RNGTT: variants seen among roughly 807,000 people sequenced by gnomAD.
The protein encoded by RNGTT is mRNA-capping enzyme.
In RNGTT, 33 loss-of-function variants were observed where a neutral mutation model predicts 79.3. The observed-to-expected ratio is 0.42, with a 90% CI of 0.32 to 0.56. RNGTT has a LOEUF of 0.56. RNGTT is among the 20% of genes least tolerant of loss of function. RNGTT has a pLI of 0.17. For missense variants in RNGTT, 497 were observed against 739.1 expected (o/e 0.67, Z 3.80); for synonymous variants, 222 against 235.9 (o/e 0.94, Z 0.54).
chr6:88,790,852 T>C (rs1162514643), intron 12 of RNGTT, among the ~76,000 whole-genome samples: 1 of 152,190 alleles, frequency 6.6e-6, no homozygotes, highest in Non-Finnish European at 1.5e-5. Flanking sequence ...AAACTTCTCA[T>C]TTAGAACTTG....
intron 14 of RNGTT, among the ~76,000 whole-genome samples, chr6:88,655,331 T>A (rs1773936882): frequency 1.3e-5 from 2 of 151,984 alleles, no homozygotes; most frequent in Non-Finnish European, 2.9e-5. Flanking sequence ...TATGCTACTT[T>A]AAAAAAAATA....
intron 2 of RNGTT, among the ~76,000 whole-genome samples, chr6:88,934,486 A>G (rs965562992): frequency 4.6e-5 from 7 of 151,940 alleles, no homozygotes; most frequent in Admixed American, 1.3e-4. Flanking sequence ...ATGTCTATTC[A>G]CATCTTTGCC....
At chr6:88,751,581 A>G (rs1275425376) in intron 13 of RNGTT, among the ~76,000 whole-genome samples, 2 of 152,068 alleles carry the variant, frequency 1.3e-5, no homozygotes, top group African/African-American at 4.8e-5. Flanking sequence ...AGTGGCTTCC[A>G]TTTATCAATA....
chr6:88,671,949 A>T (rs565375245), intron 14 of RNGTT, among the ~76,000 whole-genome samples: 1 of 152,236 alleles, frequency 6.6e-6, no homozygotes, highest in South Asian at 2.1e-4. Context: ...CTCACCTTAT[A>T]AAAAAATCAA....
intron 13 of RNGTT, among the ~76,000 whole-genome samples, chr6:88,699,367 A>C (rs1486168569): frequency 1.3e-5 from 2 of 152,178 alleles, no homozygotes; most frequent in African/African-American, 4.8e-5. Flanking sequence ...CACAGTAGCC[A>C]AAAGGCAGAA....
chr6:88,849,289 G>A (rs1781588711), intron 10 of RNGTT, among the ~76,000 whole-genome samples: 1 of 151,950 alleles, frequency 6.6e-6, no homozygotes, highest in Non-Finnish European at 1.5e-5. Flanking sequence ...TTAGATGTGT[G>A]CATTAAAAAT....
At chr6:88,676,649 G>T (rs1774886987) in intron 14 of RNGTT, among the ~76,000 whole-genome samples, 1 of 152,018 alleles carries the variant, frequency 6.6e-6, no homozygotes, top group African/African-American at 2.4e-5. Context: ...ACGATAGCTG[G>T]GAGAAAATAA....
chr6:88,724,692 T>G (rs1475419717), intron 13 of RNGTT, among the ~76,000 whole-genome samples: 1 of 152,240 alleles, frequency 6.6e-6, no homozygotes, highest in East Asian at 1.9e-4. Flanking sequence ...GCATGAGTTC[T>G]AAATTTCTTT....
At chr6:88,739,411 C>T (rs1483615348) in intron 13 of RNGTT, among the ~76,000 whole-genome samples, 3 of 151,858 alleles carry the variant, frequency 2.0e-5, no homozygotes, top group Non-Finnish European at 4.4e-5. Flanking sequence ...AACAGCTTTC[C>T]TGTAACACTA....
At chr6:88,836,023 C>CATATATATAAGATTTACATATAT (rs1781064007) in intron 11 of RNGTT, among the ~76,000 whole-genome samples, 1 of 92,094 alleles carries the variant, frequency 1.1e-5, no homozygotes. Flanking sequence ...CACACACACA[C>CATATATATAAGATTTACATATAT]ATATATATAT....
Position 88,621,117 on chromosome 6 carries a change from T to C in RNGTT, c.1507-6722A>G, listed in dbSNP as rs555623393. Among the ~76,000 whole-genome samples, 22 of 152,316 alleles carry C rather than the reference T, an allele frequency of 1.4e-4. No individual in the cohort carries two copies. In the South Asian group the frequency reaches 4.6e-3, roughly 32 times the overall value. On this transcript the variant is annotated intron_variant, in intron 14 of 15. Transcript: ENST00000369485. ...ATGAGGCAACATGAACCAAGCACAT[T>C]TGCTAGCCTCTGGCCTAAGTCCTTT...
chr6:88,641,448 A>G (rs73752986), intron 14 of RNGTT, among the ~76,000 whole-genome samples: 3,539 of 152,280 alleles, frequency 0.023, 155 homozygotes, highest in African/African-American at 0.079. Flanking sequence ...CTGTAGAGAC[A>G]AGCAAAGGAT....
intron 14 of RNGTT, among the ~76,000 whole-genome samples, chr6:88,635,498 T>TA (rs771851334): frequency 1.7e-4 from 26 of 152,158 alleles, no homozygotes; most frequent in Non-Finnish European, 2.8e-4. Context: ...ACAGTCAAAA[T>TA]ATGACAGATT....
chr6:88,637,056 G>C (rs1275386617), intron 14 of RNGTT, among the ~76,000 whole-genome samples: 1 of 152,124 alleles, frequency 6.6e-6, no homozygotes, highest in East Asian at 1.9e-4. Context: ...GAATCTGCCA[G>C]ATGGTGGCTG....
chr6:88,921,182 AAACTC>A (rs1238640231), intron 4 of RNGTT, among the ~76,000 whole-genome samples: 7 of 152,262 alleles, frequency 4.6e-5, no homozygotes, highest in Non-Finnish European at 1.0e-4. Flanking sequence ...AGCCTTGCAC[AAACTC>A]TTGCTGATCA....
intron 13 of RNGTT, among the ~76,000 whole-genome samples, chr6:88,689,492 G>A (rs1046506525): frequency 6.6e-6 from 1 of 151,652 alleles, no homozygotes; most frequent in Admixed American, 6.6e-5. Context: ...TACTCAGGAA[G>A]TTGAAGCAGG....
intron 1 of RNGTT, among the ~76,000 whole-genome samples, chr6:88,945,007 T>G (rs1482055918): frequency 6.6e-6 from 1 of 152,234 alleles, no homozygotes; most frequent in Non-Finnish European, 1.5e-5. Flanking sequence ...CCCAGCAGCT[T>G]CTGCTGATAT....
Position 88,628,132 on chromosome 6 carries a change from C to G in RNGTT, c.1507-13737G>C, listed in dbSNP as rs141849124. 5.5e-3 allele frequency among the ~76,000 whole-genome samples: 839 copies of G among 152,210 alleles called. 11 individuals are homozygous for G. The highest frequency in any genetic ancestry group is 0.027 in the South Asian group (132 of 4,826). ...GAGTTTCATTTTGTGTCTCTATGCA[C>G]TCCTTGAAAAACATTCATGATGGAT... On this transcript the variant is annotated intron_variant, in intron 14 of 15. Coordinates refer to ENST00000369485, the MANE Select transcript of RNGTT (RefSeq NM_003800.5).
chr6:88,827,990 C>T (rs1780727633), intron 11 of RNGTT, among the ~76,000 whole-genome samples: 1 of 152,176 alleles, frequency 6.6e-6, no homozygotes, highest in Non-Finnish European at 1.5e-5. Context: ...TTCCTGCCTA[C>T]TACTGGCTCT....
Sources: allele counts gnomAD v4.1 joint callset (sites outside exome capture counted in the v4.1 genomes callset), GRCh38; gene constraint gnomAD v4.1.1; transcripts MANE v1.5; gene names NCBI Gene and HGNC (gene_info 2026-07-23, HGNC 2026-07-21).